The following RAP1GAP variants were observed in gnomAD, a reference collection of about 807,000 sequenced individuals.
RAP1GAP encodes the protein RAP1 GTPase activating protein, also known as rap1 GTPase-activating protein 1.
In RAP1GAP, 35 loss-of-function variants were observed where a neutral mutation model predicts 87.2. The ratio of observed to expected loss-of-function variants is 0.40; its 90% confidence interval spans 0.31 to 0.53. The LOEUF is 0.53. RAP1GAP is among the 20% of genes least tolerant of loss of function. The pLI is 0.48. For synonymous variants in RAP1GAP, 375 were observed against 363.9 expected, an observed-to-expected ratio of 1.03 and a Z score of -0.35; for missense variants, 734 against 898.9, an observed-to-expected ratio of 0.82 and a Z score of 2.35.
chr1:21,619,182 G>A (rs1429229602), intron 4 of RAP1GAP, 110 bp from the exon 5 acceptor site: 7 of 1,185,012 alleles, frequency 5.9e-6, no homozygotes, highest in Non-Finnish European at 8.4e-6. Context: ...CGCGAAGGTA[G>A]GGGTACTCCC....
chr1:21,635,610 G>A (rs772788057), intron 2 of RAP1GAP, among the ~76,000 whole-genome samples: 2 of 152,150 alleles, frequency 1.3e-5, no homozygotes, highest in Non-Finnish European at 2.9e-5. Flanking sequence ...CTTTCCTCCC[G>A]CTCTGCACCA....
At chr1:21,600,580 C>T (rs2067324059) in intron 20 of RAP1GAP, among the ~76,000 whole-genome samples, 1 of 152,196 alleles carries the variant, frequency 6.6e-6, no homozygotes, top group Non-Finnish European at 1.5e-5. Flanking sequence ...CCCTGTCACA[C>T]TTAGGATAAA....
chr1:21,649,698 TGGGGGTATCTGCA>T, intron 2 of RAP1GAP, 50 bp downstream of exon 2: 2 of 1,497,264 alleles, frequency 1.3e-6, no homozygotes, highest in Non-Finnish European at 1.8e-6. Flanking sequence ...AGGAATGGAT[TGGGGGTATCTGCA>T]GGGACCAGCC....
rs538889741 is a variant in RAP1GAP, at chr1:21,668,339, G to A, written c.-149+915C>T. Among the ~76,000 whole-genome samples, 70 of 152,134 alleles carry A rather than the reference G, an allele frequency of 4.6e-4. No homozygotes were observed. The highest frequency in any genetic ancestry group is 9.4e-4 in the Non-Finnish European group (64 of 68,016). On this transcript the variant is annotated intron_variant, in intron 1 of 24. Coordinates refer to ENST00000374765, the MANE Select transcript of RAP1GAP (RefSeq NM_002885.4). The surrounding 1 kb of genome is among the most constrained non-coding windows in gnomAD (Gnocchi z 6.2). ...TTCCTGCCTGCCGCCCCAGGGGCCT[G>A]ACCTCTGACTTGGCAGGGAGGGGAA...
At position 21,613,665 on chromosome 1, in the gene RAP1GAP, C is replaced by A; in HGVS notation, c.437G>T (p.Cys146Phe). 6.2e-7 allele frequency: 1 copy of A among 1,613,752 alleles called. No homozygotes were observed. Among genetic ancestry groups the A allele is most frequent in the Non-Finnish European group, 8.5e-7 (1 of 1,179,860 alleles). ...RTYHDVIPIS[C>F]LTEFPNVVQM... The stretch of plus-strand genomic sequence containing the variant: ...GACAACATTAGGGAACTCGGTGAGG[C>A]AGGAGATGGGGATGACATCATGGTA... Residue 146 changes from cysteine (C) to phenylalanine (F), a missense_variant, in exon 9 of 25, where the codon TGC (cysteine) becomes TTC (phenylalanine). By Grantham distance (205) the Cys-to-Phe change is radical. Around this residue, in one of 2 missense-constraint regions of RAP1GAP, gnomAD observed 485 missense variants for 646.2 expected, o/e 0.75. Coordinates refer to ENST00000374765, the MANE Select transcript of RAP1GAP (RefSeq NM_002885.4). This position sits in a 1 kb window ranked among gnomAD's most constrained non-coding sequence, Gnocchi z 4.7.
chr1:21,645,888 C>T (rs1406343090), intron 2 of RAP1GAP, among the ~76,000 whole-genome samples: 3 of 152,168 alleles, frequency 2.0e-5, no homozygotes, highest in African/African-American at 7.2e-5. Context: ...TAAGGAGCCA[C>T]CTGAGGACAG....
Position 21,607,129 on chromosome 1 carries a change from G to A in RAP1GAP, c.1297-932C>T, listed in dbSNP as rs546947773. ...TGAGGTGTGACCAGCCGGCCGGGAA[G>A]CTGGAGGATGGGCAGTTATCCTCCT... is the stretch of plus-strand genomic sequence containing the variant. On this transcript the variant is annotated intron_variant, in intron 17 of 24. Coordinates refer to ENST00000374765, the MANE Select transcript of RAP1GAP (RefSeq NM_002885.4). 5.3e-5 allele frequency among the ~76,000 whole-genome samples: 8 copies of A among 152,334 alleles called. No homozygotes were observed. The South Asian group carries it at 1.7e-3, about 32-fold the overall frequency.
rs771035870 is a variant in RAP1GAP, at chr1:21,603,616, C to T, written c.1429-703G>A. 4.2e-6 allele frequency: 3 copies of T among 722,816 alleles called. No individual in the cohort carries two copies. Among genetic ancestry groups the T allele is most frequent in the African/African-American group, 3.4e-5 (2 of 58,104 alleles). 44.8% of individuals were successfully genotyped at this position (722,816 alleles called of 1,614,324 possible). ...CAGGGTCCCAGGGGCCAAGGCAGGG[C>T]CAGAAGCCCCTGGTGAGGGGCACTG... On this transcript the variant is annotated intron_variant, in intron 18 of 24. Transcript: ENST00000374765. The surrounding 1 kb of genome is among the most constrained non-coding windows in gnomAD (Gnocchi z 6.0).
In RAP1GAP at chr1:21,613,578, T is replaced by C; in HGVS notation, c.474+50A>G. The stretch of plus-strand genomic sequence containing the variant: ...CCAAGGCAAGCTGAAGCCCCACAGG[T>C]GCCCATCTGCGGAGCCAGCCCGGGA... On this transcript the variant is annotated intron_variant, in intron 9 of 24. Transcript: ENST00000374765. The surrounding 1 kb of genome is among the most constrained non-coding windows in gnomAD (Gnocchi z 4.7). 1 of 1,514,510 alleles carries C rather than the reference T, an allele frequency of 6.6e-7. No individual in the cohort carries two copies. Among genetic ancestry groups the C allele is most frequent in the Non-Finnish European group, 9.2e-7 (1 of 1,090,032 alleles). 93.8% of individuals were successfully genotyped at this position (1,514,510 alleles called of 1,614,324 possible). A position where few individuals can be genotyped will look rare whatever the true frequency, so the allele number is the denominator to read the frequency against.
rs1201996995 is a variant in RAP1GAP, at chr1:21,613,035, T to C, written c.528+141A>G. 3 of 939,470 alleles carry C rather than the reference T, an allele frequency of 3.2e-6. No individual in the cohort carries two copies. Among genetic ancestry groups the C allele is most frequent in the African/African-American group, 3.3e-5 (2 of 61,310 alleles). 58.2% of individuals were successfully genotyped at this position (939,470 alleles called of 1,614,324 possible). A position where few individuals can be genotyped will look rare whatever the true frequency, so the allele number is the denominator to read the frequency against. The stretch of plus-strand genomic sequence containing the variant: ...CTTTCGGTGGCTCCTCTTCTGCAAA[T>C]TGTGGACTTCACAGGGTTATTGTGA... On this transcript the variant is annotated intron_variant, in intron 10 of 24. Coordinates refer to ENST00000374765, the MANE Select transcript of RAP1GAP (RefSeq NM_002885.4). This position sits in a 1 kb window ranked among gnomAD's most constrained non-coding sequence, Gnocchi z 4.7.
intron 23 of RAP1GAP, 61 bp downstream of exon 23, chr1:21,597,900 G>A (rs777230201): frequency 2.2e-4 from 333 of 1,513,796 alleles, no homozygotes; most frequent in Non-Finnish European, 2.8e-4. Context: ...CAGCCTCCCC[G>A]CCAGCTCATC....
intron 1 of RAP1GAP, among the ~76,000 whole-genome samples, chr1:21,667,186 G>A (rs556076840): frequency 3.9e-5 from 6 of 152,344 alleles, no homozygotes; most frequent in Admixed American, 2.0e-4. Context: ...AGATCTGCCC[G>A]AGGAGTCCTC....
intron 2 of RAP1GAP, among the ~76,000 whole-genome samples, chr1:21,630,450 C>T (rs2093507116): frequency 1.3e-5 from 2 of 151,588 alleles, no homozygotes; most frequent in African/African-American, 4.8e-5. Flanking sequence ...GAGATGAGGT[C>T]TCCCTATGTT....
intron 17 of RAP1GAP, among the ~76,000 whole-genome samples, chr1:21,607,404 C>T (rs2075380211): frequency 1.3e-5 from 2 of 152,168 alleles, no homozygotes; most frequent in Non-Finnish European, 2.9e-5. Context: ...GAAACTGATG[C>T]TCACAGAATG....
Position 21,603,825 on chromosome 1 carries a change from G to T in RAP1GAP, c.1429-912C>A. Reference sequence around the variant, plus strand: ...CAGCCTCCAGAGCCGGCGGCCCCGCGGACGACAACCTCTTCCACGGTTCCT... The same window carrying T: ...CAGCCTCCAGAGCCGGCGGCCCCGCTGACGACAACCTCTTCCACGGTTCCT... On this transcript the variant is annotated intron_variant, in intron 18 of 24. Coordinates refer to ENST00000374765, the MANE Select transcript of RAP1GAP (RefSeq NM_002885.4). This position sits in a 1 kb window ranked among gnomAD's most constrained non-coding sequence, Gnocchi z 6.0. 6.2e-7 allele frequency: 1 copy of T among 1,610,990 alleles called. No homozygotes were observed. Among genetic ancestry groups the T allele is most frequent in the Non-Finnish European group, 8.5e-7 (1 of 1,178,482 alleles).
At chr1:21,608,550 C>A (rs976688270) in intron 16 of RAP1GAP, among the ~76,000 whole-genome samples, 200 bp from the exon 17 acceptor site, 1 of 151,054 alleles carries the variant, frequency 6.6e-6, no homozygotes, top group Admixed American at 6.6e-5. Context: ...ATATGAAGGG[C>A]CCCTCAAAGC....
chr1:21,669,113 A>C lies in RAP1GAP; in HGVS notation c.-149+141T>G. The C allele has an allele frequency of 3.2e-5, 28 of 880,372 alleles. No individual in the cohort carries two copies. The highest frequency in any genetic ancestry group is 3.5e-5 in the Non-Finnish European group (24 of 683,040). The allele number at this position is 880,372 out of a possible 1,614,324, so 54.5% of individuals were successfully genotyped here. A position where few individuals can be genotyped will look rare whatever the true frequency, so the allele number is the denominator to read the frequency against. ...AGCTGCGCCCACCCCTCGCCCCTGG[A>C]GACCCGGGTCCCCCACGCGTTCGCC... On this transcript the variant is annotated intron_variant, in intron 1 of 24. Transcript: ENST00000374765. This position sits in a 1 kb window ranked among gnomAD's most constrained non-coding sequence, Gnocchi z 5.6.
At chr1:21,659,089 G>A (rs897583404) in intron 1 of RAP1GAP, among the ~76,000 whole-genome samples, 2 of 152,046 alleles carry the variant, frequency 1.3e-5, no homozygotes, top group African/African-American at 4.8e-5. Flanking sequence ...ATTTTTAGTA[G>A]AGTCGGGGTT....
At chr1:21,608,160 T>C in intron 17 of RAP1GAP, 53 bp downstream of exon 17, 2 of 1,595,098 alleles carry the variant, frequency 1.3e-6, no homozygotes, top group Non-Finnish European at 1.7e-6. Context: ...AGCCCGGGAT[T>C]CCGCCCTAGC....
Sources: allele counts gnomAD v4.1 joint callset (sites outside exome capture counted in the v4.1 genomes callset), GRCh38; gene constraint gnomAD v4.1.1; regional missense constraint gnomAD v4.1.1; non-coding constraint Gnocchi (gnomAD v3.1); transcripts MANE v1.5; gene names NCBI Gene and HGNC (gene_info 2026-07-23, HGNC 2026-07-21).